The following LAMP1 variants were observed in gnomAD, a reference collection of about 807,000 sequenced individuals.
The protein encoded by LAMP1 is lysosome-associated membrane glycoprotein 1.
In LAMP1, 7 loss-of-function variants were observed where a neutral mutation model predicts 37.5. The observed-to-expected ratio is 0.19, with a 90% confidence interval of 0.11 to 0.35. The LOEUF (loss-of-function observed/expected upper bound fraction) is 0.35, where lower values mean the gene tolerates loss of function less well. Ranked by LOEUF, LAMP1 falls within the 10% of genes least tolerant of loss-of-function variation. LAMP1 has a pLI of 1.00. For synonymous variants in LAMP1, 236 were observed against 229.1 expected (o/e 1.03, Z -0.27); for missense variants, 537 against 552.8 (o/e 0.97, Z 0.29).
intron 4 of LAMP1, among the ~76,000 whole-genome samples, chr13:113,315,444 C>T (rs187079147): frequency 1.2e-3 from 146 of 125,572 alleles, no homozygotes; most frequent in African/African-American, 4.1e-3. Context: ...GGCTGGAGTG[C>T]GGTGGTGCCA....
chr13:113,322,383 G>A lies in LAMP1; in HGVS notation c.1216G>A (p.Gly406Ser), dbSNP rs748195263. Residue 406 changes from glycine (G) to serine (S), a missense_variant, in exon 9 of 9, where the codon GGC becomes AGC. Transcript: ENST00000332556. ...CATCGTCCTCATCGCCTACCTCGTC[G>A]GCAGGAAGAGGAGTCACGCAGGCTA... Reference protein sequence around the residue: ...VLIVLIAYLVGRKRSHAGYQT... With the variant: ...VLIVLIAYLVSRKRSHAGYQT... 12 of 1,613,718 alleles carry A rather than the reference G, an allele frequency of 7.4e-6. No homozygotes were observed. The highest frequency in any genetic ancestry group is 1.1e-5 in the South Asian group (1 of 91,070).
intron 1 of LAMP1, among the ~76,000 whole-genome samples, chr13:113,299,854 G>A (rs968923626): frequency 5.9e-5 from 9 of 152,032 alleles, no homozygotes; most frequent in African/African-American, 1.4e-4. Context: ...ATGAGCCACC[G>A]TGCCTAGCCA....
At chr13:113,307,303 G>A (rs373926887) in intron 2 of LAMP1, among the ~76,000 whole-genome samples, 2 of 151,808 alleles carry the variant, frequency 1.3e-5, no homozygotes, top group Admixed American at 1.3e-4. Flanking sequence ...GACTACAGGT[G>A]CCCACCACCA....
chr13:113,300,121 T>C (rs1266230487), intron 1 of LAMP1, among the ~76,000 whole-genome samples: 1 of 152,202 alleles, frequency 6.6e-6, no homozygotes, highest in African/African-American at 2.4e-5. Flanking sequence ...CTTTAAACCA[T>C]TGATGTCAGC....
rs548583400 is a variant in LAMP1, at chr13:113,312,202, C to G, written c.562+1335C>G. On this transcript the variant is annotated intron_variant, in intron 4 of 8. Coordinates refer to ENST00000332556, the MANE Select transcript of LAMP1 (RefSeq NM_005561.4). Reference sequence around the variant, plus strand: ...CGGCACCCCATGGTGCTGGGCCGGTCTTGCCCACCTCCAATTTCCATACAG... The same window carrying G: ...CGGCACCCCATGGTGCTGGGCCGGTGTTGCCCACCTCCAATTTCCATACAG... 7.9e-5 allele frequency among the ~76,000 whole-genome samples: 12 copies of G among 152,342 alleles called. No homozygotes were observed. The South Asian group carries it at 2.3e-3, about 29-fold the overall frequency.
intron 1 of LAMP1, among the ~76,000 whole-genome samples, chr13:113,303,647 C>A (rs778701083): frequency 4.6e-5 from 7 of 152,066 alleles, no homozygotes; most frequent in Non-Finnish European, 1.0e-4. Context: ...TTCTTCTATA[C>A]CAAAATTGCC....
At chr13:113,314,402 GGC>G (rs1330364942) in intron 4 of LAMP1, among the ~76,000 whole-genome samples, 7 of 118,342 alleles carry the variant, frequency 5.9e-5, no homozygotes, top group Admixed American at 1.6e-4. Flanking sequence ...ATGTGCCTGG[GGC>G]GTGGCCTCCT....
rs753718205 is a variant in LAMP1 at position 113,309,850 on chromosome 13, G to A, written c.391G>A (p.Ala131Thr). ...GTCAGACACACACCTTTTCCCCAATGCGAGCTCCAAAGGTAAGAACCAAAA... is the reference window on the plus strand; with the variant it reads ...GTCAGACACACACCTTTTCCCCAATACGAGCTCCAAAGGTAAGAACCAAAA... ...NLSDTHLFPN[A>T]SSKEIKTVES... Residue 131 changes from alanine to threonine, a missense_variant, in exon 3 of 9, where the codon GCG (alanine) becomes ACG (threonine). Physicochemically the swap from Ala to Thr is moderately conservative, Grantham distance 58 (BLOSUM62 0). Coordinates refer to ENST00000332556, the MANE Select transcript of LAMP1 (RefSeq NM_005561.4). 1 of 1,612,484 alleles carries A rather than the reference G, an allele frequency of 6.2e-7. No individual in the cohort carries two copies. Among genetic ancestry groups the A allele is most frequent in the Admixed American group, 1.7e-5 (1 of 59,990 alleles).
chr13:113,319,580 G>A lies in LAMP1; in HGVS notation c.674G>A (p.Ser225Asn), dbSNP rs1328726335. The A allele has an allele frequency of 1.2e-6, 2 of 1,613,908 alleles. No individual in the cohort carries two copies. Among genetic ancestry groups the A allele is most frequent in the Non-Finnish European group, 1.7e-6 (2 of 1,180,042 alleles). The change falls in exon 5 of 9, where the codon AGC (serine) becomes AAC (asparagine). Residue 225 changes from serine (S) to asparagine (N), a missense_variant. By Grantham distance (46) the Ser-to-Asn change is conservative (BLOSUM62 1). Transcript: ENST00000332556. Reference sequence around the variant, plus strand: ...CCCTCTGTGGACAAGTACAACGTGAGCGGCACCAACGGGACCTGCCTGCTG... The same window carrying A: ...CCCTCTGTGGACAAGTACAACGTGAACGGCACCAACGGGACCTGCCTGCTG... ...KSPSVDKYNVSGTNGTCLLAS... is the reference protein window; with the variant it reads ...KSPSVDKYNVNGTNGTCLLAS...
At chr13:113,306,657 A>AT (rs751452379) in intron 2 of LAMP1, 51 bp downstream of exon 2, 14 of 1,577,584 alleles carry the variant, frequency 8.9e-6, no homozygotes, top group Non-Finnish European at 1.1e-5. Context: ...TGGAAAGATG[A>AT]TTTTTAACAT....
At chr13:113,306,793 T>C (rs1446727144) in intron 2 of LAMP1, among the ~76,000 whole-genome samples, 187 bp downstream of exon 2, 1 of 150,708 alleles carries the variant, frequency 6.6e-6, no homozygotes, top group Non-Finnish European at 1.5e-5. Flanking sequence ...GTAACAAACC[T>C]GTATATGTGC....
intron 1 of LAMP1, chr13:113,305,932 A>T (rs574210495): frequency 6.6e-6 from 1 of 152,636 alleles, no homozygotes; most frequent in South Asian, 2.1e-4. Flanking sequence ...AGCACTAAAT[A>T]GCAATAGACT....
At chr13:113,322,095 T>TA (rs919299615) in intron 8 of LAMP1, 187 bp from the exon 9 acceptor site, 5 of 648,546 alleles carry the variant, frequency 7.7e-6, no homozygotes, top group African/African-American at 7.2e-5. Flanking sequence ...GTGTGTGGTT[T>TA]CCTCGCCGTG....
chr13:113,318,969 C>G (rs2042681978), intron 4 of LAMP1, among the ~76,000 whole-genome samples: 1 of 152,364 alleles, frequency 6.6e-6, no homozygotes, highest in Admixed American at 6.5e-5. Context: ...CTCTGTTTCC[C>G]TCTGGGTAGT....
intron 1 of LAMP1, among the ~76,000 whole-genome samples, chr13:113,302,959 A>G (rs2139357213): frequency 1.3e-5 from 2 of 152,196 alleles, no homozygotes; most frequent in South Asian, 4.1e-4. Context: ...GGCACAAAGT[A>G]AGTGCATTCC....
intron 1 of LAMP1, among the ~76,000 whole-genome samples, chr13:113,298,869 G>T (rs893078060): frequency 1.3e-5 from 2 of 152,252 alleles, no homozygotes; most frequent in African/African-American, 4.8e-5. Context: ...CAGGCCGGGA[G>T]CAGTGGCTCA....
intron 1 of LAMP1, among the ~76,000 whole-genome samples, chr13:113,302,248 G>A (rs2042578594): frequency 6.6e-6 from 1 of 151,290 alleles, no homozygotes; most frequent in African/African-American, 2.4e-5. Flanking sequence ...GCAGTGGCAC[G>A]ATCTCAGCTC....
At chr13:113,311,288 A>C (rs2042629815) in intron 4 of LAMP1, among the ~76,000 whole-genome samples, 1 of 152,232 alleles carries the variant, frequency 6.6e-6, no homozygotes. Flanking sequence ...TTCTGGCTTG[A>C]ATATTGCTAA....
Position 113,320,739 on chromosome 13 carries a change from C to T in LAMP1, c.876+269C>T. Reference sequence around the variant, plus strand: ...GCATGCAGGCCGTGCGGCCTTCTGGCTTCAGATGCTGCTGCCCTGTGGTTC... The same window carrying T: ...GCATGCAGGCCGTGCGGCCTTCTGGTTTCAGATGCTGCTGCCCTGTGGTTC... On this transcript the variant is annotated intron_variant, in intron 6 of 8. Transcript: ENST00000332556. This position sits in a 1 kb window ranked among gnomAD's most constrained non-coding sequence, Gnocchi z 4.4. 1 of 465,022 alleles carries T rather than the reference C, an allele frequency of 2.2e-6. No individual in the cohort carries two copies. Among genetic ancestry groups the T allele is most frequent in the South Asian group, 3.2e-5 (1 of 31,692 alleles). 28.8% of individuals were successfully genotyped at this position (465,022 alleles called of 1,614,324 possible).
Sources: allele counts gnomAD v4.1 joint callset (sites outside exome capture counted in the v4.1 genomes callset), GRCh38; gene constraint gnomAD v4.1.1; non-coding constraint Gnocchi (gnomAD v3.1); transcripts MANE v1.5; gene names NCBI Gene and HGNC (gene_info 2026-07-23, HGNC 2026-07-21).